Variants in NBEAL2 observed in about 807,000 individuals in gnomAD.
NBEAL2 encodes neurobeachin-like protein 2.
Under a neutral mutation model 299.8 loss-of-function variants are expected in NBEAL2, and 160 were observed. That is an observed-to-expected ratio of 0.53 (90% confidence interval 0.47 to 0.61). The LOEUF is 0.61. Among genes scored for constraint, NBEAL2 ranks in the 20% least tolerant of loss-of-function variants. NBEAL2 has a pLI of 0.00. For missense variants in NBEAL2, 3,112 were observed against 3,649.0 expected (o/e 0.85, Z 3.79); for synonymous variants, 1,493 against 1,542.3 (o/e 0.97, Z 0.75).
chr3:47,007,740 A>G, intron 48 of NBEAL2, 43 bp downstream of exon 48: 1 of 1,609,458 alleles, frequency 6.2e-7, no homozygotes, highest in Non-Finnish European at 8.5e-7. Context: ...GCACACAGGT[A>G]TGGGGCCGGG....
chr3:46,983,483 TA>T (rs1401496498), intron 1 of NBEAL2, among the ~76,000 whole-genome samples: 1 of 152,058 alleles, frequency 6.6e-6, no homozygotes, highest in African/African-American at 2.4e-5. Context: ...CTAATTTTTG[TA>T]TTTTTAGTAG....
In NBEAL2 at chr3:47,009,390, G is replaced by C; in HGVS notation, c.*70G>C. The C allele has an allele frequency of 6.9e-7, 1 of 1,451,196 alleles. No homozygotes were observed. The highest frequency in any genetic ancestry group is 9.4e-7 in the Non-Finnish European group (1 of 1,066,662). 89.9% of individuals were successfully genotyped at this position (1,451,196 alleles called of 1,614,324 possible). ...GCCCGGGAGGCCCCGCCCAGAAGTCGGCGGGAACACCCCGGGGTGGGCAGC... is the reference window on the plus strand; with the variant it reads ...GCCCGGGAGGCCCCGCCCAGAAGTCCGCGGGAACACCCCGGGGTGGGCAGC... On this transcript the variant is annotated 3_prime_UTR_variant, in exon 54 of 54. Coordinates refer to ENST00000450053, the MANE Select transcript of NBEAL2 (RefSeq NM_015175.3).
rs746566679 is a variant in NBEAL2 at position 46,991,721 on chromosome 3, G to A, written c.925+33G>A. On this transcript the variant is annotated intron_variant, in intron 8 of 53. Coordinates refer to ENST00000450053, the MANE Select transcript of NBEAL2 (RefSeq NM_015175.3). The surrounding 1 kb of genome is among the most constrained non-coding windows in gnomAD (Gnocchi z 6.2). ...TGGGCTCCCAGGCTCTTGGGGAAGG[G>A]GCACCATGAGGGAAAAGCCTAAGTG... The A allele has an allele frequency of 3.2e-6, 5 of 1,580,198 alleles. No individual in the cohort carries two copies. Among genetic ancestry groups the A allele is most frequent in the Non-Finnish European group, 4.3e-6 (5 of 1,166,790 alleles).
chr3:46,988,042 T>C lies in NBEAL2; in HGVS notation c.52-627T>C, dbSNP rs1199863832. On this transcript the variant is annotated intron_variant, in intron 1 of 53. Transcript: ENST00000450053. The surrounding 1 kb of genome is among the most constrained non-coding windows in gnomAD (Gnocchi z 4.4). The stretch of plus-strand genomic sequence containing the variant: ...GACCTGGGCTTAGCCACTGCCCCTC[T>C]TGCCCATGGAACCAGCTCTGGGGCC... 2 of 1,274,108 alleles carry C rather than the reference T, an allele frequency of 1.6e-6. No homozygotes were observed. Among genetic ancestry groups the C allele is most frequent in the African/African-American group, 1.5e-5 (1 of 64,702 alleles). 78.9% of individuals were successfully genotyped at this position (1,274,108 alleles called of 1,614,324 possible).
rs528261090 is a variant in NBEAL2, at chr3:47,000,850, C to A, written c.4306-151C>A. The A allele has an allele frequency of 4.7e-5, 55 of 1,162,366 alleles. No homozygotes were observed. The African/African-American group carries it at 8.1e-4, about 17-fold the overall frequency. The allele number at this position is 1,162,366 out of a possible 1,614,324, so 72.0% of individuals were successfully genotyped here. ...GAGACCCCTATACCATTCTTCCAGGCCCTTAGTGCCAGGCTCACTGTTAGC... is the reference window on the plus strand; with the variant it reads ...GAGACCCCTATACCATTCTTCCAGGACCTTAGTGCCAGGCTCACTGTTAGC... On this transcript the variant is annotated intron_variant, in intron 27 of 53. Transcript: ENST00000450053. The surrounding 1 kb of genome is among the most constrained non-coding windows in gnomAD (Gnocchi z 4.5).
Position 46,988,644 on chromosome 3 carries a change from C to T in NBEAL2, c.52-25C>T. On this transcript the variant is annotated intron_variant, in intron 1 of 53. Coordinates refer to ENST00000450053, the MANE Select transcript of NBEAL2 (RefSeq NM_015175.3). The surrounding 1 kb of genome is among the most constrained non-coding windows in gnomAD (Gnocchi z 4.4). The stretch of plus-strand genomic sequence containing the variant: ...TTACTGCATCCCTCCTGCCCCCCAC[C>T]ACTGTTCCCCTGTTCTGCCTACAGA... 8 of 1,603,398 alleles carry T rather than the reference C, an allele frequency of 5.0e-6. No homozygotes were observed. Among genetic ancestry groups the T allele is most frequent in the Non-Finnish European group, 6.8e-6 (8 of 1,170,460 alleles).
Position 47,009,660 on chromosome 3 carries a change from C to G in NBEAL2, c.*340C>G, listed in dbSNP as rs950061831. On this transcript the variant is annotated 3_prime_UTR_variant, in exon 54 of 54. Coordinates refer to ENST00000450053, the MANE Select transcript of NBEAL2 (RefSeq NM_015175.3). ...GTGGCCTTAATTCCTAACGGCGGCCCCGGTTCTCCCTTCTCGGCAATAAAC... is the reference window on the plus strand; with the variant it reads ...GTGGCCTTAATTCCTAACGGCGGCCGCGGTTCTCCCTTCTCGGCAATAAAC... The G allele has an allele frequency of 5.9e-6, 2 of 336,256 alleles. No individual in the cohort carries two copies. Among genetic ancestry groups the G allele is most frequent in the Non-Finnish European group, 1.1e-5 (2 of 181,982 alleles). 20.8% of individuals were successfully genotyped at this position (336,256 alleles called of 1,614,324 possible). A position where few individuals can be genotyped will look rare whatever the true frequency, so the allele number is the denominator to read the frequency against.
At chr3:46,992,855 C>T (rs918944283) in intron 10 of NBEAL2, among the ~76,000 whole-genome samples, 6 of 152,194 alleles carry the variant, frequency 3.9e-5, no homozygotes, top group African/African-American at 1.4e-4. Context: ...AGACAGAAGC[C>T]CAGACACTCA....
rs1456124333 is a variant in NBEAL2, at chr3:46,989,699, T to G, written c.556+106T>G. Reference sequence around the variant, plus strand: ...CAGGAACCACTTGGTGGTGGCTGCATGCAGGACTGGGAGAACCAAAGACCA... The same window carrying G: ...CAGGAACCACTTGGTGGTGGCTGCAGGCAGGACTGGGAGAACCAAAGACCA... On this transcript the variant is annotated intron_variant, in intron 6 of 53. Transcript: ENST00000450053. The surrounding 1 kb of genome is among the most constrained non-coding windows in gnomAD (Gnocchi z 5.5). The G allele has an allele frequency of 1.1e-5, 11 of 1,025,052 alleles. No homozygotes were observed. Among genetic ancestry groups the G allele is most frequent in the African/African-American group, 1.6e-5 (1 of 62,598 alleles). The allele number at this position is 1,025,052 out of a possible 1,614,324, so 63.5% of individuals were successfully genotyped here.
At position 47,004,775 on chromosome 3, in the gene NBEAL2, T is replaced by A; in HGVS notation, c.6294+185T>A. On this transcript the variant is annotated intron_variant, in intron 38 of 53. Transcript: ENST00000450053. The surrounding 1 kb of genome is among the most constrained non-coding windows in gnomAD (Gnocchi z 5.0). ...GGTCCCCAGCCTCACTCCCTTCCCC[T>A]CCCTGCCTAGCCTCTATTCCTCAAA... is the stretch of plus-strand genomic sequence containing the variant. 9.8e-7 allele frequency: 1 copy of A among 1,019,456 alleles called. No homozygotes were observed. The allele number at this position is 1,019,456 out of a possible 1,614,324, so 63.2% of individuals were successfully genotyped here.
rs374148610 is a variant in NBEAL2, at chr3:47,004,062, T to C, written c.5882-15T>C. 5.6e-5 allele frequency: 90 copies of C among 1,608,972 alleles called. No individual in the cohort carries two copies. Among genetic ancestry groups the C allele is most frequent in the Non-Finnish European group, 7.2e-5 (85 of 1,176,458 alleles). ...TGGGGTGAGTGACTCCCGTACCTGCTGTTCCTCCCCATAGGCATCGGCTAT... is the reference window on the plus strand; with the variant it reads ...TGGGGTGAGTGACTCCCGTACCTGCCGTTCCTCCCCATAGGCATCGGCTAT... On this transcript the variant is annotated splice_polypyrimidine_tract_variant and intron_variant, in intron 36 of 53. Coordinates refer to ENST00000450053, the MANE Select transcript of NBEAL2 (RefSeq NM_015175.3). This position sits in a 1 kb window ranked among gnomAD's most constrained non-coding sequence, Gnocchi z 5.0.
In NBEAL2 at chr3:46,995,250, G is replaced by C; in HGVS notation, c.1515G>C (p.Gly505=). The part of the protein sequence containing the change: ...VGCLLETLST[G]LALEARCQEQ... Reference sequence around the variant, plus strand: ...GCCTGTTGGAGACACTCAGCACAGGGCTAGCCCTGGAGGCCCGCTGCCAAG... The same window carrying C: ...GCCTGTTGGAGACACTCAGCACAGGCCTAGCCCTGGAGGCCCGCTGCCAAG... The change falls in exon 13 of 54, where the codon GGG becomes GGC. Residue 505 remains glycine, a synonymous_variant. Transcript: ENST00000450053. 6.4e-7 allele frequency: 1 copy of C among 1,557,816 alleles called. No homozygotes were observed. Among genetic ancestry groups the C allele is most frequent in the Non-Finnish European group, 8.7e-7 (1 of 1,151,502 alleles).
rs761570368 is a variant in NBEAL2 at position 46,991,603 on chromosome 3, C to T, written c.840C>T (p.Tyr280=). Residue 280 remains tyrosine (Y), a synonymous_variant, in exon 8 of 54, where the codon TAC becomes TAT. Transcript: ENST00000450053. This position sits in a 1 kb window ranked among gnomAD's most constrained non-coding sequence, Gnocchi z 6.2. The stretch of plus-strand genomic sequence containing the variant: ...AGCTTCGTGCCCTGCTTGAGAGCTA[C>T]TTCCATGTCCTTAATGCTGACTGGC... ...GPELRALLES[Y]FHVLNADWPA... is the part of the protein sequence containing the mutation. 1.2e-5 allele frequency: 20 copies of T among 1,600,524 alleles called. No homozygotes were observed. The highest frequency in any genetic ancestry group is 1.6e-5 in the Non-Finnish European group (19 of 1,179,834).
intron 51 of NBEAL2, 38 bp from the exon 52 acceptor site, chr3:47,008,482 G>A (rs2037634986): frequency 6.2e-7 from 1 of 1,610,140 alleles, no homozygotes; most frequent in African/African-American, 1.3e-5. Context: ...AGGGGCAGTT[G>A]GGATCCTGTC....
In NBEAL2 at chr3:46,982,079, A is replaced by T. The variant is rs1357084686; in HGVS notation, c.51+2167A>T. Reference sequence around the variant, plus strand: ...GGGGCCAGGCTGCCTGGGAAGAGGAAGCTAGGGCCAGCCTCCCAGCTCGCC... The same window carrying T: ...GGGGCCAGGCTGCCTGGGAAGAGGATGCTAGGGCCAGCCTCCCAGCTCGCC... On this transcript the variant is annotated intron_variant, in intron 1 of 53. Transcript: ENST00000450053. This position sits in a 1 kb window ranked among gnomAD's most constrained non-coding sequence, Gnocchi z 4.2. The T allele has an allele frequency of 6.6e-6, 1 of 152,312 alleles. No homozygotes were observed. Among genetic ancestry groups the T allele is most frequent in the Non-Finnish European group, 1.5e-5 (1 of 68,106 alleles). 9.4% of individuals were successfully genotyped at this position (152,312 alleles called of 1,614,324 possible).
At chr3:47,006,138 C>T in intron 43 of NBEAL2, 27 bp from the exon 44 acceptor site, 1 of 1,613,178 alleles carries the variant, frequency 6.2e-7, no homozygotes, top group Non-Finnish European at 8.5e-7. Flanking sequence ...ACGCAGGGAG[C>T]CCTGACTGCT....
At position 46,989,642 on chromosome 3, in the gene NBEAL2, C is replaced by T; in HGVS notation, c.556+49C>T. Reference sequence around the variant, plus strand: ...CTTGGCTCCACCCCCAAACCTAGGCCCCTTCCTGTCGTTCCTTGATCCTGC... The same window carrying T: ...CTTGGCTCCACCCCCAAACCTAGGCTCCTTCCTGTCGTTCCTTGATCCTGC... On this transcript the variant is annotated intron_variant, in intron 6 of 53. Coordinates refer to ENST00000450053, the MANE Select transcript of NBEAL2 (RefSeq NM_015175.3). This position sits in a 1 kb window ranked among gnomAD's most constrained non-coding sequence, Gnocchi z 5.5. 6.7e-7 allele frequency: 1 copy of T among 1,488,232 alleles called. No homozygotes were observed. The highest frequency in any genetic ancestry group is 9.2e-7 in the Non-Finnish European group (1 of 1,089,586). 92.2% of individuals were successfully genotyped at this position (1,488,232 alleles called of 1,614,324 possible). A position where few individuals can be genotyped will look rare whatever the true frequency, so the allele number is the denominator to read the frequency against.
intron 1 of NBEAL2, among the ~76,000 whole-genome samples, chr3:46,984,619 A>T (rs1387632431): frequency 6.6e-6 from 1 of 152,174 alleles, no homozygotes; most frequent in Non-Finnish European, 1.5e-5. Context: ...GGGACCCCCT[A>T]GGCCTGGGAT....
In NBEAL2 at chr3:46,995,849, G is replaced by A; in HGVS notation, c.2031+3G>A. On this transcript the variant is annotated splice_donor_region_variant and intron_variant, in intron 14 of 53. Coordinates refer to ENST00000450053, the MANE Select transcript of NBEAL2 (RefSeq NM_015175.3). ...TGTCCTTTGCCGACTCTGCCTGGGT[G>A]AGACCCCATCCTTCTCATGTGGCCC... The A allele has an allele frequency of 1.2e-6, 2 of 1,613,818 alleles. No individual in the cohort carries two copies. Among genetic ancestry groups the A allele is most frequent in the South Asian group, 1.1e-5 (1 of 91,084 alleles).
Sources: gnomAD v4.1 joint callset for allele counts (sites outside exome capture counted in the v4.1 genomes callset) on GRCh38, gnomAD v4.1.1 for gene constraint, Gnocchi (gnomAD v3.1) non-coding constraint, MANE v1.5 for transcripts, NCBI Gene and HGNC (gene_info 2026-07-23, HGNC 2026-07-21) for gene names.